DNAJC6: variants seen among roughly 807,000 people sequenced by gnomAD.
The protein encoded by DNAJC6 is DnaJ heat shock protein family (Hsp40) member C6.
DNAJC6 carries 34 observed loss-of-function variants against 110.0 expected under a neutral mutation model. The ratio of observed to expected loss-of-function variants is 0.31; its 90% CI spans 0.24 to 0.41. The LOEUF (loss-of-function observed/expected upper bound fraction) is 0.41. Ranked by LOEUF, DNAJC6 falls within the 10% of genes least tolerant of loss-of-function variation. The pLI is 1.00. For synonymous variants in DNAJC6, 406 were observed against 437.2 expected, an observed-to-expected ratio of 0.93 and a Z score of 0.89; for missense variants, 1,031 against 1,207.8, an observed-to-expected ratio of 0.85 and a Z score of 2.17.
intron 1 of DNAJC6, among the ~76,000 whole-genome samples, chr1:65,360,808 C>T (rs762695005): frequency 1.3e-5 from 2 of 152,110 alleles, no homozygotes; most frequent in African/African-American, 2.4e-5. Flanking sequence ...GACAGAGGCT[C>T]GGCTGCCTGC....
intron 13 of DNAJC6, among the ~76,000 whole-genome samples, chr1:65,395,425 T>C (rs1194572048): frequency 1.3e-5 from 2 of 152,210 alleles, no homozygotes; most frequent in African/African-American, 4.8e-5. Context: ...TGGGAAAATA[T>C]GTCTTAAATA....
chr1:65,325,909 A>G (rs1645237781), intron 1 of DNAJC6, among the ~76,000 whole-genome samples: 1 of 152,252 alleles, frequency 6.6e-6, no homozygotes. Context: ...TGGTAAGTAT[A>G]TATCAAAACA....
intron 1 of DNAJC6, among the ~76,000 whole-genome samples, chr1:65,312,909 T>C (rs938518764): frequency 6.7e-6 from 1 of 150,096 alleles, no homozygotes; most frequent in Non-Finnish European, 1.5e-5. Context: ...AGACAATTCT[T>C]GTGTTTCAGC....
intron 1 of DNAJC6, among the ~76,000 whole-genome samples, chr1:65,343,702 G>A (rs1645410361): frequency 6.6e-6 from 1 of 151,900 alleles, no homozygotes; most frequent in African/African-American, 2.4e-5. Context: ...AAGCTGCAGG[G>A]TGCTCCCTTT....
At chr1:65,397,920 G>A (rs372887489) in intron 13 of DNAJC6, among the ~76,000 whole-genome samples, 1 of 152,038 alleles carries the variant, frequency 6.6e-6, no homozygotes, top group East Asian at 1.9e-4. Flanking sequence ...TGGTGATGGG[G>A]TGTGTGTGTG....
intron 1 of DNAJC6, among the ~76,000 whole-genome samples, chr1:65,335,389 C>T (rs998539707): frequency 1.3e-5 from 2 of 151,870 alleles, no homozygotes; most frequent in South Asian, 2.1e-4. Flanking sequence ...GCTGCGATTA[C>T]AGGCATGAGC....
chr1:65,305,333 G>C (rs1233160615), upstream of DNAJC6, among the ~76,000 whole-genome samples: 1 of 152,114 alleles, frequency 6.6e-6, no homozygotes, highest in Admixed American at 6.5e-5. Flanking sequence ...TTATAATCAG[G>C]ACACACAGTG....
At chr1:65,402,550 C>T (rs1646040368) in intron 15 of DNAJC6, among the ~76,000 whole-genome samples, 1 of 152,198 alleles carries the variant, frequency 6.6e-6, no homozygotes, top group Admixed American at 6.5e-5. Flanking sequence ...GAGGGGTTCA[C>T]TGGACTACTA....
chr1:65,388,119 G>A (rs1479257377), intron 8 of DNAJC6, among the ~76,000 whole-genome samples: 3 of 152,170 alleles, frequency 2.0e-5, no homozygotes, highest in Non-Finnish European at 4.4e-5. Context: ...AGTATTTAGC[G>A]GATGAGAAAA....
At chr1:65,390,433 A>T (rs952435340) in intron 11 of DNAJC6, among the ~76,000 whole-genome samples, 1 of 152,206 alleles carries the variant, frequency 6.6e-6, no homozygotes, top group Non-Finnish European at 1.5e-5. Flanking sequence ...TAAGGGCTCG[A>T]TTACTAGGTT....
intron 1 of DNAJC6, among the ~76,000 whole-genome samples, chr1:65,349,312 C>T (rs1276006063): frequency 1.3e-5 from 2 of 151,672 alleles, no homozygotes; most frequent in African/African-American, 2.4e-5. Flanking sequence ...AATAACACCA[C>T]AATACAATGT....
chr1:65,358,689 C>A (rs1294937236), intron 1 of DNAJC6, among the ~76,000 whole-genome samples: 1 of 152,146 alleles, frequency 6.6e-6, no homozygotes, highest in Admixed American at 6.6e-5. Context: ...CTTTGCCATG[C>A]CCTTCTGTAC....
chr1:65,280,682 TG>T (rs1051633931), intron 1 of DNAJC6, among the ~76,000 whole-genome samples: 1 of 152,210 alleles, frequency 6.6e-6, no homozygotes, highest in Non-Finnish European at 1.5e-5. Flanking sequence ...AGAAATCCAT[TG>T]GCCTGGAAGT....
chr1:65,325,200 T>C (rs1173976312), intron 1 of DNAJC6, among the ~76,000 whole-genome samples: 1 of 152,202 alleles, frequency 6.6e-6, no homozygotes, highest in Non-Finnish European at 1.5e-5. Flanking sequence ...GAATACAAGG[T>C]AGACTTCCTT....
rs1646165233 is a variant in DNAJC6, at chr1:65,415,706, A to T, written c.*2681A>T. Reference sequence around the variant, plus strand: ...GAAACAAATGCTGTAATTCAAAAGCATTTGACCTGTCACTGTACTATCTAC... The same window carrying T: ...GAAACAAATGCTGTAATTCAAAAGCTTTTGACCTGTCACTGTACTATCTAC... On this transcript the variant is annotated 3_prime_UTR_variant, in exon 19 of 19. Transcript: ENST00000371069. 1 of 152,208 alleles carries T rather than the reference A, an allele frequency of 6.6e-6. No homozygotes were observed. Among genetic ancestry groups the T allele is most frequent in the South Asian group, 2.1e-4 (1 of 4,836 alleles). 9.4% of individuals were successfully genotyped at this position (152,208 alleles called of 1,614,324 possible).
At chr1:65,306,194 C>T (rs1645035945), upstream of DNAJC6, among the ~76,000 whole-genome samples, 2 of 151,352 alleles carry the variant, frequency 1.3e-5, no homozygotes, top group South Asian at 4.2e-4. Flanking sequence ...ACTACAGGTG[C>T]CTGCCACCAC....
At chr1:65,305,762 A>G (rs1035735866), upstream of DNAJC6, among the ~76,000 whole-genome samples, 18 of 87,720 alleles carry the variant, frequency 2.1e-4, no homozygotes, top group East Asian at 8.2e-3. Flanking sequence ...CTTTTATGTT[A>G]TCATAGTCAT....
At chr1:65,343,004 T>C (rs1645403738) in intron 1 of DNAJC6, among the ~76,000 whole-genome samples, 1 of 152,218 alleles carries the variant, frequency 6.6e-6, no homozygotes, top group African/African-American at 2.4e-5. Context: ...TCCCAGTGAT[T>C]CTAAATTTCT....
intron 1 of DNAJC6, among the ~76,000 whole-genome samples, chr1:65,342,349 T>A (rs147217153): frequency 6.6e-6 from 1 of 152,162 alleles, no homozygotes; most frequent in Non-Finnish European, 1.5e-5. Context: ...TAGGTTGTGA[T>A]GGCAGAGCCA....
Sources: gnomAD v4.1 joint callset for allele counts (sites outside exome capture counted in the v4.1 genomes callset) on GRCh38, gnomAD v4.1.1 for gene constraint, MANE v1.5 for transcripts, NCBI Gene and HGNC (gene_info 2026-07-23, HGNC 2026-07-21) for gene names.